Variants in ANKRD6 observed in about 807,000 individuals in gnomAD.
ANKRD6 encodes ankyrin repeat domain-containing protein 6.
In ANKRD6, 56 loss-of-function variants were observed where a neutral mutation model predicts 82.3. The ratio of observed to expected loss-of-function variants is 0.68; its 90% confidence interval spans 0.55 to 0.85. The LOEUF is 0.85. Ranked by LOEUF, ANKRD6 falls within the 40% of genes least tolerant of loss-of-function variation. The pLI is 0.00. For missense variants in ANKRD6, 852 were observed against 907.6 expected (o/e 0.94, Z 0.79); for synonymous variants, 347 against 352.1 (o/e 0.99, Z 0.16).
chr6:89,549,474 A>C (rs984240987), intron 1 of ANKRD6, among the ~76,000 whole-genome samples: 1 of 146,366 alleles, frequency 6.8e-6, no homozygotes. Context: ...ATAGCTTCTC[A>C]ATCTTTGATG....
Position 89,630,772 on chromosome 6 carries a change from G to A in ANKRD6, c.1952G>A (p.Ser651Asn). 2 of 1,613,932 alleles carry A rather than the reference G, an allele frequency of 1.2e-6. No homozygotes were observed. Among genetic ancestry groups the A allele is most frequent in the Non-Finnish European group, 1.7e-6 (2 of 1,179,904 alleles). Reference protein sequence around the residue: ...TCGQPPPATGSEQTGPHIRDT... With the variant: ...TCGQPPPATGNEQTGPHIRDT... ...GGGCAGCCGCCACCAGCCACAGGCA[G>A]CGAGCAGACTGGCCCTCACATTCGG... Residue 651 changes from serine (S) to asparagine (N), a missense_variant, in exon 16 of 16, where the codon AGC becomes AAC. Coordinates refer to ENST00000339746, the MANE Select transcript of ANKRD6 (RefSeq NM_001242809.2).
intron 1 of ANKRD6, among the ~76,000 whole-genome samples, chr6:89,551,171 G>T (rs982566135): frequency 6.6e-6 from 1 of 152,164 alleles, no homozygotes; most frequent in Non-Finnish European, 1.5e-5. Context: ...GTTAGGAAGG[G>T]GGTGGGATTT....
At chr6:89,533,651 A>G (rs571790355) in intron 1 of ANKRD6, among the ~76,000 whole-genome samples, 23 of 152,002 alleles carry the variant, frequency 1.5e-4, no homozygotes, top group Non-Finnish European at 2.9e-4. Flanking sequence ...CTGCTTACTG[A>G]AGGTACTCCT....
chr6:89,555,536 C>T (rs539503801), intron 1 of ANKRD6, among the ~76,000 whole-genome samples: 1 of 152,076 alleles, frequency 6.6e-6, no homozygotes, highest in South Asian at 2.1e-4. Flanking sequence ...ACCCTTGGGA[C>T]CCTGGAGGTT....
intron 6 of ANKRD6, 41 bp downstream of exon 6, chr6:89,612,411 G>A (rs368161206): frequency 1.2e-5 from 18 of 1,508,372 alleles, no homozygotes; most frequent in Non-Finnish European, 1.5e-5. Flanking sequence ...TCTCTTTCTT[G>A]TGTCACTTCA....
At chr6:89,588,306 C>T (rs1376105375) in intron 2 of ANKRD6, among the ~76,000 whole-genome samples, 1 of 152,132 alleles carries the variant, frequency 6.6e-6, no homozygotes, top group Non-Finnish European at 1.5e-5. Context: ...AAATATGCGC[C>T]ACTCTTATTT....
intron 1 of ANKRD6, among the ~76,000 whole-genome samples, chr6:89,474,434 A>G (rs1253775879): frequency 3.9e-5 from 6 of 152,162 alleles, no homozygotes; most frequent in Non-Finnish European, 8.8e-5. Context: ...TCTAACATGA[A>G]TAACTTTTAG....
intron 1 of ANKRD6, among the ~76,000 whole-genome samples, chr6:89,495,448 A>G (rs1778496074): frequency 6.6e-6 from 1 of 152,184 alleles, no homozygotes. Flanking sequence ...ACCAGGGCTG[A>G]GCCCAGTACA....
intron 1 of ANKRD6, among the ~76,000 whole-genome samples, chr6:89,565,042 T>G (rs571893221): frequency 2.0e-5 from 3 of 152,202 alleles, no homozygotes; most frequent in Non-Finnish European, 4.4e-5. Flanking sequence ...GCACCTATGT[T>G]TTTAAAAACA....
chr6:89,630,787 C>G lies in ANKRD6; in HGVS notation c.1967C>G (p.Pro656Arg), dbSNP rs775660313. ...GCCACAGGCAGCGAGCAGACTGGCCCTCACATTCGGGACACCTCCCAAGCT... is the reference window on the plus strand; with the variant it reads ...GCCACAGGCAGCGAGCAGACTGGCCGTCACATTCGGGACACCTCCCAAGCT... ...PPATGSEQTGPHIRDTSQALE... is the reference protein window; with the variant it reads ...PPATGSEQTGRHIRDTSQALE... The change falls in exon 16 of 16, where the codon CCT becomes CGT. Residue 656 changes from proline (P) to arginine (R), a missense_variant. Coordinates refer to ENST00000339746, the MANE Select transcript of ANKRD6 (RefSeq NM_001242809.2). 1 of 1,613,944 alleles carries G rather than the reference C, an allele frequency of 6.2e-7. No individual in the cohort carries two copies.
intron 1 of ANKRD6, among the ~76,000 whole-genome samples, chr6:89,487,134 A>G (rs1777472367): frequency 6.6e-6 from 1 of 152,180 alleles, no homozygotes; most frequent in South Asian, 2.1e-4. Flanking sequence ...TTTGTGCATT[A>G]TTTACTCATC....
intron 1 of ANKRD6, among the ~76,000 whole-genome samples, chr6:89,442,664 A>G (rs1446427180): frequency 6.6e-6 from 1 of 151,060 alleles, no homozygotes; most frequent in Non-Finnish European, 1.5e-5. Flanking sequence ...AAAAGACAGC[A>G]ATCATTATCT....
In ANKRD6 at chr6:89,630,539, A is replaced by C. The variant is rs2128286894; in HGVS notation, c.1719A>C (p.Arg573Ser). 1 of 1,613,904 alleles carries C rather than the reference A, an allele frequency of 6.2e-7. No homozygotes were observed. The highest frequency in any genetic ancestry group is 8.5e-7 in the Non-Finnish European group (1 of 1,179,842). ...EKALNSTATQ[R>S]LQQELSSSDC... is the part of the protein sequence containing the mutation. ...CCCTCAACTCCACTGCTACCCAGAGACTCCAGCAGGAGCTGTCGTCTTCTG... is the reference window on the plus strand; with the variant it reads ...CCCTCAACTCCACTGCTACCCAGAGCCTCCAGCAGGAGCTGTCGTCTTCTG... Residue 573 changes from arginine (R) to serine (S), a missense_variant, in exon 16 of 16, where the codon AGA (arginine) becomes AGC (serine). By Grantham distance (110) the Arg-to-Ser change is moderately radical. Transcript: ENST00000339746.
chr6:89,471,381 G>A (rs79229405), intron 1 of ANKRD6, among the ~76,000 whole-genome samples: 1 of 139,608 alleles, frequency 7.2e-6, no homozygotes. Flanking sequence ...AAAAAAAAAA[G>A]AGGAGATCTA....
At chr6:89,462,895 G>A (rs1309252603) in intron 1 of ANKRD6, among the ~76,000 whole-genome samples, 41 of 145,930 alleles carry the variant, frequency 2.8e-4, no homozygotes, top group African/African-American at 1.0e-3. Context: ...TAAGAGACAA[G>A]GTATTAGTCT....
At chr6:89,449,387 T>G (rs1477799018) in intron 1 of ANKRD6, among the ~76,000 whole-genome samples, 1 of 152,152 alleles carries the variant, frequency 6.6e-6, no homozygotes, top group East Asian at 1.9e-4. Context: ...GAGGAGTTGC[T>G]TTTTATGGAT....
At position 89,486,159 on chromosome 6, in the gene ANKRD6, C is replaced by T. The variant is rs141205462; in HGVS notation, c.-144+52784C>T. Among the ~76,000 whole-genome samples the T allele has an allele frequency of 2.8e-4, 43 of 152,218 alleles. 1 individual carries two copies. In the East Asian group the frequency reaches 8.1e-3, roughly 29 times the overall value. ...GTTTCTGAGACATATAGTCATGTGT[C>T]ACATAACAACTTTGTAGCCAGTGAC... On this transcript the variant is annotated intron_variant, in intron 1 of 15. Coordinates refer to ENST00000339746, the MANE Select transcript of ANKRD6 (RefSeq NM_001242809.2).
intron 1 of ANKRD6, among the ~76,000 whole-genome samples, chr6:89,487,876 T>G (rs1378087567): frequency 6.6e-6 from 1 of 152,246 alleles, no homozygotes; most frequent in Non-Finnish European, 1.5e-5. Context: ...TGCATGAAAT[T>G]AGCTACATAA....
chr6:89,612,188 T>C, intron 5 of ANKRD6, 84 bp from the exon 6 acceptor site: 4 of 1,253,634 alleles, frequency 3.2e-6, no homozygotes, highest in Non-Finnish European at 4.5e-6. Flanking sequence ...TTCCCCCGAG[T>C]AAGTACTGCC....
Sources: gnomAD v4.1 joint callset for allele counts (sites outside exome capture counted in the v4.1 genomes callset) on GRCh38, gnomAD v4.1.1 for gene constraint, MANE v1.5 for transcripts, NCBI Gene and HGNC (gene_info 2026-07-23, HGNC 2026-07-21) for gene names.